CALN1: variants seen among roughly 807,000 people sequenced by gnomAD.
CALN1 encodes calneuron 1, also known as calcium-binding protein 8.
CALN1 carries 17 observed loss-of-function variants against 30.6 expected under a neutral mutation model. The ratio of observed to expected loss-of-function variants is 0.56; its 90% CI spans 0.38 to 0.83. The LOEUF (loss-of-function observed/expected upper bound fraction) is 0.83. Among genes scored for constraint, CALN1 ranks in the 40% least tolerant of loss-of-function variants. The pLI, the probability that CALN1 is intolerant of heterozygous loss-of-function variation, is 0.00. For missense variants in CALN1, 291 were observed against 354.9 expected (o/e 0.82, Z 1.45); for synonymous variants, 156 against 131.4 (o/e 1.19, Z -1.28).
At chr7:72,378,769 T>C (rs1331561139) in intron 2 of CALN1, among the ~76,000 whole-genome samples, 1 of 152,126 alleles carries the variant, frequency 6.6e-6, no homozygotes, top group Non-Finnish European at 1.5e-5. Context: ...AGTTTCACCA[T>C]GTTGGCCAGG....
chr7:72,203,979 CTTTTTT>C (rs869149598), intron 3 of CALN1, among the ~76,000 whole-genome samples: 418 of 83,656 alleles, frequency 5.0e-3, no homozygotes, highest in South Asian at 0.01. Context: ...AGGCCTCTCT[CTTTTTT>C]TTTTTTTTTT....
chr7:72,235,827 C>A (rs1794440909), intron 3 of CALN1, among the ~76,000 whole-genome samples: 1 of 152,144 alleles, frequency 6.6e-6, no homozygotes, highest in Non-Finnish European at 1.5e-5. Context: ...GGTTCTTGCC[C>A]ACCCGGTACC....
upstream of CALN1, among the ~76,000 whole-genome samples, chr7:72,413,116 T>C (rs1295552801): frequency 6.6e-6 from 1 of 152,086 alleles, no homozygotes; most frequent in Non-Finnish European, 1.5e-5. Flanking sequence ...TAGACACATA[T>C]GCACACATAC....
At position 72,374,427 on chromosome 7, in the gene CALN1, G is replaced by T. The variant is rs539291874; in HGVS notation, c.119+28824C>A. 5.3e-5 allele frequency among the ~76,000 whole-genome samples: 8 copies of T among 151,690 alleles called. No homozygotes were observed. In the South Asian group the frequency reaches 1.7e-3, roughly 32 times the overall value. On this transcript the variant is annotated intron_variant, in intron 2 of 6. Coordinates refer to ENST00000395275, the MANE Select transcript of CALN1 (RefSeq NM_031468.4). Reference sequence around the variant, plus strand: ...GCCTGTAATCTCAGCTATTCAGGAGGCTGAGGAAGGAGAATAGCTTGAACC... The same window carrying T: ...GCCTGTAATCTCAGCTATTCAGGAGTCTGAGGAAGGAGAATAGCTTGAACC...
chr7:72,209,250 CTCCTTCCCTCTT>C (rs1792164843), intron 3 of CALN1, among the ~76,000 whole-genome samples: 2 of 102,268 alleles, frequency 2.0e-5, no homozygotes, highest in Admixed American at 1.1e-4. Context: ...CTTTCCTTCC[CTCCTTCCCTCTT>C]TCCTTCCCTC....
At position 72,072,498 on chromosome 7, in the gene CALN1, C is replaced by A. The variant is rs548131804; in HGVS notation, c.388+33653G>T. On this transcript the variant is annotated intron_variant, in intron 4 of 6. Coordinates refer to ENST00000395275, the MANE Select transcript of CALN1 (RefSeq NM_031468.4). The stretch of plus-strand genomic sequence containing the variant: ...GTTTGTTATCACTAGACTTGCCCTG[C>A]AACAGATACTAAAGGGAGTCCTTCA... Among the ~76,000 whole-genome samples the A allele has an allele frequency of 7.2e-5, 11 of 152,220 alleles. No individual in the cohort carries two copies. The East Asian group carries it at 2.1e-3, about 29-fold the overall frequency.
intron 3 of CALN1, among the ~76,000 whole-genome samples, chr7:72,245,038 T>C (rs555351796): frequency 6.6e-6 from 1 of 152,316 alleles, no homozygotes; most frequent in East Asian, 1.9e-4. Context: ...TTATTCAGCA[T>C]CCTCATCACC....
upstream of CALN1, among the ~76,000 whole-genome samples, chr7:72,449,958 C>T (rs1300109494): frequency 6.7e-6 from 1 of 148,528 alleles, no homozygotes; most frequent in Non-Finnish European, 1.5e-5. Flanking sequence ...GTAATCCCAA[C>T]GCTTTGGGTG....
chr7:71,892,204 A>G (rs958646958), intron 5 of CALN1, among the ~76,000 whole-genome samples: 5 of 152,202 alleles, frequency 3.3e-5, no homozygotes, highest in Admixed American at 2.0e-4. Flanking sequence ...TCTTGTGCTA[A>G]TTTATATTTC....
chr7:72,387,391 AGT>A (rs921302594), intron 2 of CALN1, among the ~76,000 whole-genome samples: 9 of 152,020 alleles, frequency 5.9e-5, no homozygotes, highest in Middle Eastern at 6.8e-3. Context: ...CTGTTTCTTA[AGT>A]GTAGTCTGTG....
At chr7:72,283,520 G>A (rs1035956836) in intron 2 of CALN1, among the ~76,000 whole-genome samples, 15 of 77,548 alleles carry the variant, frequency 1.9e-4, no homozygotes, top group African/African-American at 8.1e-4. Context: ...GAGTGACAGA[G>A]CAAGACTCTT....
intron 4 of CALN1, among the ~76,000 whole-genome samples, chr7:72,078,890 T>C (rs1213228718): frequency 1.3e-5 from 2 of 152,082 alleles, no homozygotes; most frequent in Non-Finnish European, 2.9e-5. Flanking sequence ...GATCACGCCA[T>C]TGAACTACAG....
At chr7:72,126,925 C>T (rs1584997261) in intron 3 of CALN1, among the ~76,000 whole-genome samples, 3 of 152,126 alleles carry the variant, frequency 2.0e-5, no homozygotes, top group East Asian at 1.9e-4. Context: ...TAAATCACCA[C>T]TAAAGAATGT....
intron 2 of CALN1, among the ~76,000 whole-genome samples, chr7:72,334,707 T>C (rs1326491452): frequency 6.6e-6 from 1 of 152,250 alleles, no homozygotes; most frequent in Non-Finnish European, 1.5e-5. Flanking sequence ...GACATCTTGG[T>C]GAACAATTCT....
intron 5 of CALN1, among the ~76,000 whole-genome samples, chr7:71,844,724 T>G (rs564764120): frequency 6.6e-6 from 1 of 152,278 alleles, no homozygotes; most frequent in African/African-American, 2.4e-5. Flanking sequence ...GAAATGATTG[T>G]GAAATGGACT....
intron 2 of CALN1, among the ~76,000 whole-genome samples, chr7:72,358,668 C>T (rs574046643): frequency 5.3e-5 from 8 of 152,144 alleles, no homozygotes; most frequent in East Asian, 1.9e-4. Context: ...ATAACATTGG[C>T]GGCCAGGCGC....
intron 5 of CALN1, among the ~76,000 whole-genome samples, chr7:71,876,893 A>C (rs1205562022): frequency 6.6e-6 from 1 of 152,166 alleles, no homozygotes; most frequent in Non-Finnish European, 1.5e-5. Context: ...TTTAGTTGGG[A>C]TGGTAAAAGA....
the CALN1 span, among the ~76,000 whole-genome samples, chr7:72,495,902 T>C: frequency 6.6e-6 from 1 of 152,204 alleles, no homozygotes; most frequent in African/African-American, 2.4e-5. Flanking sequence ...TATTTCTGTT[T>C]CTTCTATTCC....
At chr7:71,952,544 A>G (rs1796745071) in intron 5 of CALN1, among the ~76,000 whole-genome samples, 1 of 152,150 alleles carries the variant, frequency 6.6e-6, no homozygotes, top group South Asian at 2.1e-4. Flanking sequence ...GGCACATAAA[A>G]GCTGATTTGA....
Sources: allele counts gnomAD v4.1 joint callset (sites outside exome capture counted in the v4.1 genomes callset), GRCh38; gene constraint gnomAD v4.1.1; transcripts MANE v1.5; gene names NCBI Gene and HGNC (gene_info 2026-07-23, HGNC 2026-07-21).